ZNF516: variants seen among roughly 807,000 people sequenced by gnomAD.
The protein encoded by ZNF516 is zinc finger protein 516.
A neutral mutation model predicts 79.7 loss-of-function variants in ZNF516; 19 were observed. The observed-to-expected ratio is 0.24, with a 90% CI of 0.17 to 0.35. The LOEUF (loss-of-function observed/expected upper bound fraction) is 0.35, where lower values mean the gene tolerates loss of function less well. Among genes scored for constraint, ZNF516 ranks in the 10% least tolerant of loss-of-function variants. ZNF516 has a pLI of 1.00. For synonymous variants in ZNF516, 877 were observed against 739.5 expected, an observed-to-expected ratio of 1.19 and a Z score of -3.02; for missense variants, 1,678 against 1,679.5, an observed-to-expected ratio of 1.00 and a Z score of 0.02.
At chr18:76,458,156 C>T (rs1912845324) in intron 2 of ZNF516, among the ~76,000 whole-genome samples, 1 of 152,192 alleles carries the variant, frequency 6.6e-6, no homozygotes, top group Non-Finnish European at 1.5e-5. Flanking sequence ...TCATCTATAG[C>T]TTCTTGGAAA....
At chr18:76,473,909 G>A (rs374102562) in intron 1 of ZNF516, among the ~76,000 whole-genome samples, 8 of 101,350 alleles carry the variant, frequency 7.9e-5, no homozygotes, top group Non-Finnish European at 1.2e-4. Flanking sequence ...TGTGTGGGGG[G>A]GGGGGGGGCT....
intron 4 of ZNF516, among the ~76,000 whole-genome samples, chr18:76,374,518 G>C (rs926682521): frequency 6.6e-6 from 1 of 152,188 alleles, no homozygotes; most frequent in Non-Finnish European, 1.5e-5. Flanking sequence ...CCGAACACAT[G>C]TGGGGGCGGG....
intron 1 of ZNF516, chr18:76,492,551 C>T (rs891884161): frequency 5.8e-6 from 2 of 342,806 alleles, no homozygotes; most frequent in Admixed American, 1.3e-4. Context: ...ACATGCTGCC[C>T]TTCACTTTTC....
At chr18:76,412,201 C>T (rs1383208302) in intron 3 of ZNF516, among the ~76,000 whole-genome samples, 2 of 152,214 alleles carry the variant, frequency 1.3e-5, no homozygotes, top group Non-Finnish European at 2.9e-5. Context: ...GGCTGCATTC[C>T]TAAGTCCGGG....
chr18:76,468,954 C>T (rs1280381163), intron 1 of ZNF516, among the ~76,000 whole-genome samples: 1 of 152,210 alleles, frequency 6.6e-6, no homozygotes, highest in Non-Finnish European at 1.5e-5. Flanking sequence ...TCCTGAACCA[C>T]TAAACCACAC....
At chr18:76,437,067 A>AACACACACAC (rs370573337) in intron 3 of ZNF516, among the ~76,000 whole-genome samples, 9,696 of 135,796 alleles carry the variant, frequency 0.071, 405 homozygotes, top group Non-Finnish European at 0.081. Flanking sequence ...ACCTGTCTAA[A>AACACACACAC]ACACACACAC....
intron 6 of ZNF516, among the ~76,000 whole-genome samples, chr18:76,365,886 G>A (rs1290637311): frequency 3.9e-5 from 6 of 152,166 alleles, no homozygotes; most frequent in Non-Finnish European, 8.8e-5. Flanking sequence ...CACAGCCTAC[G>A]GGAAGCCCTG....
intron 3 of ZNF516, chr18:76,385,789 G>A (rs2074981861): frequency 6.7e-6 from 1 of 149,242 alleles, no homozygotes; most frequent in African/African-American, 2.4e-5. Flanking sequence ...CCCCCCCCGG[G>A]AGCTGTACCC....
intron 3 of ZNF516, among the ~76,000 whole-genome samples, chr18:76,440,512 A>G (rs1358209329): frequency 2.0e-5 from 3 of 152,262 alleles, no homozygotes; most frequent in Admixed American, 1.3e-4. Flanking sequence ...AAAAATAATA[A>G]AAGAAATATC....
At chr18:76,368,690 T>A (rs1246552142) in intron 6 of ZNF516, among the ~76,000 whole-genome samples, 2 of 152,168 alleles carry the variant, frequency 1.3e-5, no homozygotes, top group African/African-American at 4.8e-5. Flanking sequence ...GAGAACAATA[T>A]AAGTACATCT....
At chr18:76,383,939 C>A (rs1461856374) in intron 3 of ZNF516, among the ~76,000 whole-genome samples, 1 of 152,204 alleles carries the variant, frequency 6.6e-6, no homozygotes, top group East Asian at 1.9e-4. Flanking sequence ...CAGTGGGCCT[C>A]GCAAAGTGCT....
chr18:76,479,558 GCGTT>G (rs1914377782), intron 1 of ZNF516, among the ~76,000 whole-genome samples: 2 of 152,216 alleles, frequency 1.3e-5, no homozygotes, highest in South Asian at 2.1e-4. Context: ...AGACGCACAG[GCGTT>G]CGTAACGGGC....
At chr18:76,444,014 G>A (rs752350059) in intron 2 of ZNF516, among the ~76,000 whole-genome samples, 22 of 152,214 alleles carry the variant, frequency 1.4e-4, no homozygotes, top group Non-Finnish European at 3.2e-4. Context: ...GAGTAGCTGT[G>A]TCCAGCACGG....
At chr18:76,382,459 G>C (rs2074908826) in intron 3 of ZNF516, among the ~76,000 whole-genome samples, 2 of 148,384 alleles carry the variant, frequency 1.3e-5, no homozygotes, top group Admixed American at 1.3e-4. Flanking sequence ...AGTGGAGTCT[G>C]TCAGTGTAAA....
chr18:76,369,742 C>G (rs976453332), intron 6 of ZNF516, among the ~76,000 whole-genome samples: 1 of 152,170 alleles, frequency 6.6e-6, no homozygotes, highest in Non-Finnish European at 1.5e-5. Context: ...CAAAGAAACT[C>G]TTTCCTCAAT....
intron 2 of ZNF516, among the ~76,000 whole-genome samples, chr18:76,455,934 T>C (rs548116418): frequency 6.6e-6 from 1 of 152,312 alleles, no homozygotes; most frequent in South Asian, 2.1e-4. Flanking sequence ...CATTATTCTT[T>C]AATAAACACA....
At position 76,493,163 on chromosome 18, in the gene ZNF516, AAGTT is replaced by A. The variant is rs1317010589; in HGVS notation, c.-272+1977_-272+1980del. ...TGGTAAAACAACAGCAGAGCTCTGA[AAGTT>A]AGCCATCTGCGCAGAGTTTGCCTTC... On this transcript the variant is annotated intron_variant, in intron 1 of 6. Coordinates refer to ENST00000443185, the MANE Select transcript of ZNF516 (RefSeq NM_014643.4). The surrounding 1 kb of genome is among the most constrained non-coding windows in gnomAD (Gnocchi z 5.2). 24 of 985,084 alleles carry A rather than the reference AAGTT, an allele frequency of 2.4e-5. No homozygotes were observed. The highest frequency in any genetic ancestry group is 2.9e-5 in the Non-Finnish European group (24 of 829,862). The allele number at this position is 985,084 out of a possible 1,614,324, so 61.0% of individuals were successfully genotyped here. A position where few individuals can be genotyped will look rare whatever the true frequency, so the allele number is the denominator to read the frequency against.
rs2074480215 is a variant in ZNF516 at position 76,357,993 on chromosome 18, G to T, written c.*4505C>A. The stretch of plus-strand genomic sequence containing the variant: ...TGTCCTCGAGTCCACAAAAGAGTTG[G>T]AAAAAAACCACTCGGGCCATCTGGG... On this transcript the variant is annotated 3_prime_UTR_variant, in exon 7 of 7. Coordinates refer to ENST00000443185, the MANE Select transcript of ZNF516 (RefSeq NM_014643.4). 6.6e-6 allele frequency among the ~76,000 whole-genome samples: 1 copy of T among 151,932 alleles called. No homozygotes were observed. The highest frequency in any genetic ancestry group is 2.4e-5 in the African/African-American group (1 of 41,358).
At chr18:76,472,242 T>C (rs908842001) in intron 1 of ZNF516, among the ~76,000 whole-genome samples, 2 of 152,118 alleles carry the variant, frequency 1.3e-5, no homozygotes, top group Non-Finnish European at 2.9e-5. Flanking sequence ...GAGTCCATAT[T>C]CCTCAAGACA....
Sources: allele counts gnomAD v4.1 joint callset (sites outside exome capture counted in the v4.1 genomes callset), GRCh38; gene constraint gnomAD v4.1.1; non-coding constraint Gnocchi (gnomAD v3.1); transcripts MANE v1.5; gene names NCBI Gene and HGNC (gene_info 2026-07-23, HGNC 2026-07-21).